SLC52A3: variants seen among roughly 807,000 people sequenced by gnomAD.
The protein encoded by SLC52A3 is solute carrier family 52 member 3.
Under a neutral mutation model 29.5 loss-of-function variants are expected in SLC52A3, and 20 were observed. That is an observed-to-expected ratio of 0.68 (90% CI 0.48 to 0.99). The LOEUF is 0.99. SLC52A3 is among the 50% of genes least tolerant of loss of function. The pLI is 0.00. For missense variants in SLC52A3, 548 were observed against 612.9 expected (o/e 0.89, Z 1.12); for synonymous variants, 301 against 271.0 (o/e 1.11, Z -1.09).
upstream of SLC52A3, among the ~76,000 whole-genome samples, chr20:769,855 C>A (rs58279463): frequency 0.024 from 3,724 of 152,064 alleles, 134 homozygotes; most frequent in East Asian, 0.17. Context: ...CGAGATCATG[C>A]CACTGCACTC....
At chr20:773,004 C>T (rs1412753033), upstream of SLC52A3, among the ~76,000 whole-genome samples, 1 of 152,190 alleles carries the variant, frequency 6.6e-6, no homozygotes, top group Non-Finnish European at 1.5e-5. Context: ...GCAGCGGGAG[C>T]CAGGTTGGAG....
chr20:763,635 C>T lies in SLC52A3; in HGVS notation c.936G>A (p.Ala312=), dbSNP rs6054602. 2.2e-4 allele frequency: 360 copies of T among 1,614,160 alleles called. No individual in the cohort carries two copies. In the African/African-American group the frequency reaches 2.9e-3, roughly 13 times the overall value. Residue 312 remains alanine, a synonymous_variant, in exon 3 of 5, where the codon GCG becomes GCA. Transcript: ENST00000645534. The part of the protein sequence containing the change: ...FIYTLVAFVN[A]LTNGMLPSVQ... ...CAGAGGGCAGCATGCCGTTGGTGAGCGCGTTGACGAAGGCCACCAGGGTAT... is the reference window on the plus strand; with the variant it reads ...CAGAGGGCAGCATGCCGTTGGTGAGTGCGTTGACGAAGGCCACCAGGGTAT...
chr20:766,841 C>T (rs577252753), intron 1 of SLC52A3, among the ~76,000 whole-genome samples: 8 of 152,176 alleles, frequency 5.3e-5, no homozygotes, highest in African/African-American at 1.9e-4. Flanking sequence ...CAAAGAGACC[C>T]CATATAGAAG....
intron 2 of SLC52A3, among the ~76,000 whole-genome samples, chr20:764,800 CGAAGGGGTATCTGAACCAG>C (rs1326408609): frequency 6.6e-6 from 1 of 152,068 alleles, no homozygotes; most frequent in African/African-American, 2.4e-5. Context: ...ATCTGTACCA[CGAAGGGGTATCTGAACCAG>C]GAAGAGAAAG....
At chr20:771,260 T>C (rs1041709670), upstream of SLC52A3, among the ~76,000 whole-genome samples, 2 of 152,106 alleles carry the variant, frequency 1.3e-5, no homozygotes, top group Non-Finnish European at 2.9e-5. Context: ...ACCCTGTCTT[T>C]ACCAAAAACA....
At position 764,028 on chromosome 20, in the gene SLC52A3, G is replaced by A. The variant is rs757967585; in HGVS notation, c.568-25C>T. The stretch of plus-strand genomic sequence containing the variant: ...CCTGCAAAGGACAAGACAGATCCCT[G>A]GTCAGGGGAGGGGATCAGGCTGCAG... On this transcript the variant is annotated intron_variant, in intron 2 of 4. Transcript: ENST00000645534. 139 of 749,378 alleles carry A rather than the reference G, an allele frequency of 1.9e-4. No individual in the cohort carries two copies. The South Asian group carries it at 2.6e-3, about 14-fold the overall frequency. 46.4% of individuals were successfully genotyped at this position (749,378 alleles called of 1,614,324 possible).
chr20:773,056 G>A (rs1986896680), upstream of SLC52A3, among the ~76,000 whole-genome samples: 3 of 152,356 alleles, frequency 2.0e-5, no homozygotes, highest in South Asian at 6.2e-4. Flanking sequence ...TGTGGTGACA[G>A]CTTGGGTGTT....
chr20:771,669 G>A (rs557900614), upstream of SLC52A3, among the ~76,000 whole-genome samples: 26 of 128,586 alleles, frequency 2.0e-4, no homozygotes, highest in South Asian at 2.6e-4. Flanking sequence ...GCAGAGATAT[G>A]AAAAAAAAAA....
In SLC52A3 at chr20:762,411, C is replaced by A. The variant is rs146467326; in HGVS notation, c.1074-587G>T. ...AGGGGTCCTGGCAGCTGGCTTGTTG[C>A]TGCTAGGAGCATCTCTCTACAGGTG... On this transcript the variant is annotated intron_variant, in intron 3 of 4. Transcript: ENST00000645534. Among the ~76,000 whole-genome samples the A allele has an allele frequency of 8.1e-4, 124 of 152,326 alleles. 2 individuals carry two copies. The East Asian group carries it at 0.019, about 23-fold the overall frequency.
Position 767,324 on chromosome 20 carries a change from G to A in SLC52A3, c.-52+973C>T, listed in dbSNP as rs73602146. On this transcript the variant is annotated intron_variant, in intron 1 of 4. Transcript: ENST00000645534. ...CAAAGCAACCCTTGAAGGACACACA[G>A]GGACTGCAGGGATGTTGGTGATGCC... Among the ~76,000 whole-genome samples, 2,991 of 152,056 alleles carry A rather than the reference G, an allele frequency of 0.02. 533 individuals are homozygous for A. The East Asian group carries it at 0.44, about 22-fold the overall frequency.
intron 3 of SLC52A3, among the ~76,000 whole-genome samples, chr20:762,232 G>A (rs1190488308): frequency 6.6e-6 from 1 of 152,204 alleles, no homozygotes; most frequent in African/African-American, 2.4e-5. Context: ...ATTTCCTCCT[G>A]CAACACACCC....
At chr20:778,849 G>A (rs530189415), upstream of SLC52A3, among the ~76,000 whole-genome samples, 20 of 152,142 alleles carry the variant, frequency 1.3e-4, 1 homozygote, top group South Asian at 3.9e-3. Flanking sequence ...CAAAGTGCTG[G>A]GATTACAGGC....
chr20:765,571 G>A lies in SLC52A3; in HGVS notation c.204C>T (p.Cys68=), dbSNP rs1171541269. 6.3e-7 allele frequency: 1 copy of A among 1,582,214 alleles called. No homozygotes were observed. The highest frequency in any genetic ancestry group is 2.3e-5 in the East Asian group (1 of 43,590). Residue 68 remains cysteine, a synonymous_variant, in exon 2 of 5, where the codon TGC becomes TGT. Coordinates refer to ENST00000645534, the MANE Select transcript of SLC52A3 (RefSeq NM_033409.4). This position sits in a 1 kb window ranked among gnomAD's most constrained non-coding sequence, Gnocchi z 6.6. ...VTLLHHFRPS[C]LSEVPIIFTL... ...TGAAGATGATGGGCACTTCGGAAAG[G>A]CAGCTGGGCCGGAAGTGATGGAGCA... is the stretch of plus-strand genomic sequence containing the variant.
rs1285524411 is a variant in SLC52A3 at position 763,551 on chromosome 20, G to A, written c.1020C>T (p.Leu340=). ...AGGCAAGAGGGTTGGCCACAATGCTGAGGGTGGCAGCCAGGTGGTAGGCAA... is the reference window on the plus strand; with the variant it reads ...AGGCAAGAGGGTTGGCCACAATGCTAAGGGTGGCAGCCAGGTGGTAGGCAA... ...GPVAYHLAAT[L]SIVANPLASL... The change falls in exon 3 of 5, where the codon CTC becomes CTT. Residue 340 remains leucine (L), a synonymous_variant. Coordinates refer to ENST00000645534, the MANE Select transcript of SLC52A3 (RefSeq NM_033409.4). The A allele has an allele frequency of 3.1e-6, 5 of 1,614,048 alleles. No individual in the cohort carries two copies. In the East Asian group the frequency reaches 8.9e-5, roughly 29 times the overall value.
rs755699363 is a variant in SLC52A3 at position 760,828 on chromosome 20, T to A, written c.*198A>T. ...GGAGATCTGAGCTGGTCGTCACAGG[T>A]AGTGTGACACAGAGTTGGGGATAGA... On this transcript the variant is annotated 3_prime_UTR_variant, in exon 5 of 5. Transcript: ENST00000645534. The surrounding 1 kb of genome is among the most constrained non-coding windows in gnomAD (Gnocchi z 4.9). 10 of 606,346 alleles carry A rather than the reference T, an allele frequency of 1.6e-5. No individual in the cohort carries two copies. The African/African-American group carries it at 1.9e-4, about 11-fold the overall frequency. 37.6% of individuals were successfully genotyped at this position (606,346 alleles called of 1,614,324 possible).
rs1568720500 is a variant in SLC52A3, at chr20:763,603, G to T, written c.968C>A (p.Thr323Asn). The change falls in exon 3 of 5, where the codon ACC becomes AAC. Residue 323 changes from threonine (T) to asparagine (N), a missense_variant. Coordinates refer to ENST00000645534, the MANE Select transcript of SLC52A3 (RefSeq NM_033409.4). The part of the protein sequence containing the change: ...LTNGMLPSVQ[T>N]YSCLSYGPVA... ...TGGCCCATAGGACAGGCAGGAGTAG[G>T]TCTGCACAGAGGGCAGCATGCCGTT... The T allele has an allele frequency of 6.2e-7, 1 of 1,614,228 alleles. No individual in the cohort carries two copies. Among genetic ancestry groups the T allele is most frequent in the Non-Finnish European group, 8.5e-7 (1 of 1,180,040 alleles).
upstream of SLC52A3, among the ~76,000 whole-genome samples, chr20:771,966 A>C (rs1387810486): frequency 6.6e-6 from 1 of 152,238 alleles, no homozygotes; most frequent in Non-Finnish European, 1.5e-5. Context: ...GGATATAGCA[A>C]AAGCAATAAA....
Position 765,915 on chromosome 20 carries a change from C to T in SLC52A3, c.-51-90G>A. 2 of 759,970 alleles carry T rather than the reference C, an allele frequency of 2.6e-6. No individual in the cohort carries two copies. Among genetic ancestry groups the T allele is most frequent in the Non-Finnish European group, 4.4e-6 (2 of 459,182 alleles). 47.1% of individuals were successfully genotyped at this position (759,970 alleles called of 1,614,324 possible). A position where few individuals can be genotyped will look rare whatever the true frequency, so the allele number is the denominator to read the frequency against. ...GGGCCCAGAGTTTTCTCTTATTACTCCCCTTCCTGTGAACAAGCTGGCTTT... is the reference window on the plus strand; with the variant it reads ...GGGCCCAGAGTTTTCTCTTATTACTTCCCTTCCTGTGAACAAGCTGGCTTT... On this transcript the variant is annotated intron_variant, in intron 1 of 4. Coordinates refer to ENST00000645534, the MANE Select transcript of SLC52A3 (RefSeq NM_033409.4). The surrounding 1 kb of genome is among the most constrained non-coding windows in gnomAD (Gnocchi z 6.6).
chr20:772,899 G>A (rs1014050027), upstream of SLC52A3, among the ~76,000 whole-genome samples: 12 of 152,216 alleles, frequency 7.9e-5, no homozygotes, highest in African/African-American at 2.9e-4. Flanking sequence ...GGAGAAAACA[G>A]CAAGTGAAAA....
Sources: allele counts gnomAD v4.1 joint callset (sites outside exome capture counted in the v4.1 genomes callset), GRCh38; gene constraint gnomAD v4.1.1; non-coding constraint Gnocchi (gnomAD v3.1); transcripts MANE v1.5; gene names NCBI Gene and HGNC (gene_info 2026-07-23, HGNC 2026-07-21).